SVEP1: variants seen among roughly 807,000 people sequenced by gnomAD.
SVEP1 encodes sushi, von Willebrand factor type A, EGF and pentraxin domain-containing protein 1.
In SVEP1, 164 loss-of-function variants were observed where a neutral mutation model predicts 367.3. That is an observed-to-expected ratio of 0.45 (90% CI 0.39 to 0.51). The LOEUF (loss-of-function observed/expected upper bound fraction) is 0.51, where lower values mean the gene tolerates loss of function less well. Ranked by LOEUF, SVEP1 falls within the 20% of genes least tolerant of loss-of-function variation. The probability of loss-of-function intolerance (pLI) is 0.00; values close to 1 mark genes in which losing one functional copy is unlikely to be tolerated. For synonymous variants in SVEP1, 1,666 were observed against 1,611.6 expected, an observed-to-expected ratio of 1.03 and a Z score of -0.81; for missense variants, 4,117 against 4,425.3, an observed-to-expected ratio of 0.93 and a Z score of 1.98.
intron 1 of SVEP1, among the ~76,000 whole-genome samples, chr9:110,578,173 T>C (rs1830647042): frequency 6.6e-6 from 1 of 152,222 alleles, no homozygotes; most frequent in East Asian, 1.9e-4. Context: ...AAATCCTAAG[T>C]GTCCAACAAT....
At chr9:110,478,090 A>C (rs972446721) in intron 13 of SVEP1, among the ~76,000 whole-genome samples, 10 of 151,932 alleles carry the variant, frequency 6.6e-5, no homozygotes, top group African/African-American at 2.4e-4. Flanking sequence ...CGGTGGTTCA[A>C]ACTCTGAAAC....
At chr9:110,382,004 A>G (rs1827445692) in intron 43 of SVEP1, among the ~76,000 whole-genome samples, 1 of 151,828 alleles carries the variant, frequency 6.6e-6, no homozygotes, top group Non-Finnish European at 1.5e-5. Flanking sequence ...TAGAAATACA[A>G]CCCCTATTTT....
In SVEP1 at chr9:110,514,226, T is replaced by C. The variant is rs188638033; in HGVS notation, c.965-120A>G. On this transcript the variant is annotated intron_variant, in intron 3 of 47. Coordinates refer to ENST00000374469, the MANE Select transcript of SVEP1 (RefSeq NM_153366.4). Reference sequence around the variant, plus strand: ...CAATAGTTTTCCATAGAAATGGTGATGTAGGCTGGGTGTGGTGGCTCACGC... The same window carrying C: ...CAATAGTTTTCCATAGAAATGGTGACGTAGGCTGGGTGTGGTGGCTCACGC... 1.6e-4 allele frequency: 212 copies of C among 1,357,766 alleles called. No individual in the cohort carries two copies. In the African/African-American group the frequency reaches 2.7e-3, roughly 17 times the overall value. 84.1% of individuals were successfully genotyped at this position (1,357,766 alleles called of 1,614,324 possible).
chr9:110,461,283 C>T lies in SVEP1; in HGVS notation c.3323-2170G>A, dbSNP rs529599867. Among the ~76,000 whole-genome samples, 7 of 152,170 alleles carry T rather than the reference C, an allele frequency of 4.6e-5. No homozygotes were observed. The East Asian group carries it at 1.3e-3, about 29-fold the overall frequency. On this transcript the variant is annotated intron_variant, in intron 18 of 47. Transcript: ENST00000374469. ...TTTGGTTGGGGTTTTAGACAGCAAC[C>T]CAAGTATGAATTCAGGTTGGGTATG...
At chr9:110,412,141 C>G (rs1828054244) in intron 36 of SVEP1, among the ~76,000 whole-genome samples, 1 of 152,132 alleles carries the variant, frequency 6.6e-6, no homozygotes, top group South Asian at 2.1e-4. Context: ...AAAATAAAAT[C>G]AAGGAGTAAG....
intron 3 of SVEP1, among the ~76,000 whole-genome samples, chr9:110,543,640 G>A (rs901156787): frequency 6.6e-6 from 1 of 152,174 alleles, no homozygotes; most frequent in Non-Finnish European, 1.5e-5. Context: ...AAGAGTCGCA[G>A]CACAGAGTGG....
At chr9:110,512,750 T>C (rs1588087383) in intron 5 of SVEP1, 176 bp downstream of exon 5, 2 of 757,590 alleles carry the variant, frequency 2.6e-6, no homozygotes, top group Non-Finnish European at 4.4e-6. Context: ...TTTACAATTA[T>C]GTGGTCAATT....
intron 27 of SVEP1, among the ~76,000 whole-genome samples, chr9:110,440,285 T>C (rs1179581312): frequency 6.6e-6 from 1 of 152,196 alleles, no homozygotes; most frequent in Non-Finnish European, 1.5e-5. Context: ...GCTACTACTT[T>C]GGGGATCAGC....
At chr9:110,422,703 A>G (rs1206880965) in intron 36 of SVEP1, among the ~76,000 whole-genome samples, 1 of 130,170 alleles carries the variant, frequency 7.7e-6, no homozygotes, top group African/African-American at 3.1e-5. Context: ...CACAATAGCA[A>G]AGACTTGGAA....
intron 46 of SVEP1, among the ~76,000 whole-genome samples, chr9:110,372,437 G>GT (rs142429701): frequency 1.3e-5 from 2 of 152,258 alleles, no homozygotes; most frequent in African/African-American, 4.8e-5. Flanking sequence ...GGTAGCTGCT[G>GT]TAAGATTTGG....
At chr9:110,457,451 C>T (rs1432183466) in intron 20 of SVEP1, 99 bp from the exon 21 acceptor site, 1 of 882,200 alleles carries the variant, frequency 1.1e-6, no homozygotes, top group Non-Finnish European at 1.8e-6. Context: ...ACAGCTCGTT[C>T]CTCCTGTTTC....
chr9:110,383,355 A>T (rs1827469249), intron 43 of SVEP1, among the ~76,000 whole-genome samples: 1 of 151,626 alleles, frequency 6.6e-6, no homozygotes, highest in African/African-American at 2.4e-5. Flanking sequence ...CTGGGGGTCC[A>T]CTCCAGACCC....
chr9:110,547,320 T>C (rs941071249), intron 2 of SVEP1, among the ~76,000 whole-genome samples: 2 of 152,164 alleles, frequency 1.3e-5, no homozygotes, highest in African/African-American at 4.8e-5. Flanking sequence ...ACCACAGGTT[T>C]ATTTGGCAGT....
chr9:110,392,650 T>A (rs1827682857), intron 40 of SVEP1, among the ~76,000 whole-genome samples: 1 of 152,204 alleles, frequency 6.6e-6, no homozygotes, highest in Non-Finnish European at 1.5e-5. Context: ...GTCAAACAGG[T>A]AGCACTGGAA....
chr9:110,530,979 T>G (rs1297214073), intron 3 of SVEP1, among the ~76,000 whole-genome samples: 1 of 152,184 alleles, frequency 6.6e-6, no homozygotes, highest in Non-Finnish European at 1.5e-5. Flanking sequence ...TTTTAAAAAG[T>G]GTAATGTTTC....
At chr9:110,375,317 G>T in intron 46 of SVEP1, 51 bp downstream of exon 46, 1 of 1,460,262 alleles carries the variant, frequency 6.8e-7, no homozygotes. Flanking sequence ...ATGTCCTCTG[G>T]AGTTTCATGG....
chr9:110,433,465 CT>C (rs11300153), intron 30 of SVEP1, among the ~76,000 whole-genome samples: 41,660 of 119,582 alleles, frequency 0.35, 7,565 homozygotes, highest in Non-Finnish European at 0.41. Context: ...TTTTGTATTA[CT>C]TTTTTTTTTT....
At position 110,366,309 on chromosome 9, in the gene SVEP1, A is replaced by G; in HGVS notation, c.*230T>C. ...GGGTAGAGCAGCATCTATTTAATATAATTTTTATATAGAAAATACAGGCAT... is the reference window on the plus strand; with the variant it reads ...GGGTAGAGCAGCATCTATTTAATATGATTTTTATATAGAAAATACAGGCAT... On this transcript the variant is annotated 3_prime_UTR_variant, in exon 48 of 48. Coordinates refer to ENST00000374469, the MANE Select transcript of SVEP1 (RefSeq NM_153366.4). 1 of 397,208 alleles carries G rather than the reference A, an allele frequency of 2.5e-6. No individual in the cohort carries two copies. Among genetic ancestry groups the G allele is most frequent in the Non-Finnish European group, 4.4e-6 (1 of 226,670 alleles). 24.6% of individuals were successfully genotyped at this position (397,208 alleles called of 1,614,324 possible).
intron 3 of SVEP1, among the ~76,000 whole-genome samples, chr9:110,522,565 G>C (rs1352649945): frequency 6.6e-6 from 1 of 152,150 alleles, no homozygotes; most frequent in African/African-American, 2.4e-5. Context: ...TTTTACAACT[G>C]TATTGTTGCA....
Sources: gnomAD v4.1 joint callset for allele counts (sites outside exome capture counted in the v4.1 genomes callset) on GRCh38, gnomAD v4.1.1 for gene constraint, MANE v1.5 for transcripts, NCBI Gene and HGNC (gene_info 2026-07-23, HGNC 2026-07-21) for gene names.